Variants in SSH2 observed in about 807,000 individuals in gnomAD.
SSH2 encodes the protein protein phosphatase Slingshot homolog 2.
In SSH2, 37 loss-of-function variants were observed where a neutral mutation model predicts 135.2. That is an observed-to-expected ratio of 0.27 (90% CI 0.21 to 0.36). SSH2 has a LOEUF of 0.36. Among genes scored for constraint, SSH2 ranks in the 10% least tolerant of loss-of-function variants. The pLI is 1.00. For synonymous variants in SSH2, 628 were observed against 646.2 expected (o/e 0.97, Z 0.43); for missense variants, 1,408 against 1,765.3 (o/e 0.80, Z 3.63).
chr17:29,895,292 C>T (rs1255793606), intron 1 of SSH2, among the ~76,000 whole-genome samples: 5 of 105,926 alleles, frequency 4.7e-5, no homozygotes, highest in South Asian at 2.7e-4. Context: ...TTTATATATA[C>T]ATTTTATATA....
chr17:29,632,861 T>C lies in SSH2; in HGVS notation c.2333A>G (p.Glu778Gly). 1 of 1,614,194 alleles carries C rather than the reference T, an allele frequency of 6.2e-7. No individual in the cohort carries two copies. The highest frequency in any genetic ancestry group is 8.5e-7 in the Non-Finnish European group (1 of 1,180,020). ...SHSENAISVKEIVTEIESISQ... is the reference protein window; with the variant it reads ...SHSENAISVKGIVTEIESISQ... Reference sequence around the variant, plus strand: ...GATGGACTCAATTTCAGTGACAATTTCTTTGACTGAAATTGCATTTTCCGA... The same window carrying C: ...GATGGACTCAATTTCAGTGACAATTCCTTTGACTGAAATTGCATTTTCCGA... Residue 778 changes from glutamate to glycine, a missense_variant, in exon 16 of 16, where the codon GAA becomes GGA. Around this residue, in one of 3 missense-constraint regions of SSH2, gnomAD observed 1,080 missense variants for 1,144.5 expected, o/e 0.94. Transcript: ENST00000540801.
intron 14 of SSH2, 135 bp from the exon 15 acceptor site, chr17:29,636,937 C>T (rs998287825): frequency 3.2e-5 from 21 of 648,654 alleles, no homozygotes; most frequent in African/African-American, 7.3e-5. Context: ...AGGCAATAAA[C>T]GTTTGAAAAG....
chr17:29,721,730 C>T (rs1330088217), intron 3 of SSH2, among the ~76,000 whole-genome samples: 3 of 152,000 alleles, frequency 2.0e-5, no homozygotes, highest in Non-Finnish European at 4.4e-5. Context: ...TTCTTTTTGT[C>T]AAACAAGAAA....
At chr17:29,692,086 G>A (rs1426896181) in intron 5 of SSH2, among the ~76,000 whole-genome samples, 1 of 151,090 alleles carries the variant, frequency 6.6e-6, no homozygotes, top group African/African-American at 2.4e-5. Flanking sequence ...GTTGCAATGG[G>A]CCAAGATCGA....
At chr17:29,678,712 TC>T (rs1185886367) in intron 6 of SSH2, among the ~76,000 whole-genome samples, 4 of 70,438 alleles carry the variant, frequency 5.7e-5, no homozygotes, top group African/African-American at 2.3e-4. Context: ...AAATACTATT[TC>T]TTTTTTTTTT....
chr17:29,883,036 G>C (rs1190203293), intron 1 of SSH2: 2 of 151,996 alleles, frequency 1.3e-5, no homozygotes, highest in African/African-American at 4.8e-5. Flanking sequence ...CATGGTGACT[G>C]GGTTTTCATG....
At chr17:29,718,249 T>G (rs78531934) in intron 3 of SSH2, among the ~76,000 whole-genome samples, 2,042 of 152,290 alleles carry the variant, frequency 0.013, 55 homozygotes, top group African/African-American at 0.047. Context: ...GCTCCTATTC[T>G]TTTGTCAACT....
intron 4 of SSH2, among the ~76,000 whole-genome samples, chr17:29,697,865 T>A (rs1204617604): frequency 1.3e-5 from 2 of 152,152 alleles, no homozygotes; most frequent in Non-Finnish European, 2.9e-5. Context: ...AATCAAAACG[T>A]ATGTCCACCC....
At chr17:29,770,961 G>T (rs572424051) in intron 3 of SSH2, among the ~76,000 whole-genome samples, 2 of 152,130 alleles carry the variant, frequency 1.3e-5, no homozygotes, top group African/African-American at 4.8e-5. Flanking sequence ...TGTAGGTAAG[G>T]AGAGCTAGCT....
At chr17:29,663,974 C>T (rs759257544) in intron 11 of SSH2, among the ~76,000 whole-genome samples, 1 of 152,152 alleles carries the variant, frequency 6.6e-6, no homozygotes, top group East Asian at 1.9e-4. Flanking sequence ...AATCTCTATA[C>T]CTTTTGCTCA....
chr17:29,669,756 G>A (rs943928481), intron 9 of SSH2, among the ~76,000 whole-genome samples: 1 of 152,004 alleles, frequency 6.6e-6, no homozygotes, highest in Non-Finnish European at 1.5e-5. Flanking sequence ...CAGTTAATAA[G>A]CCTCTATCAT....
chr17:29,777,937 TTCTTGACTGTCAGC>T (rs1404117355), intron 3 of SSH2, among the ~76,000 whole-genome samples: 1 of 151,682 alleles, frequency 6.6e-6, no homozygotes, highest in Non-Finnish European at 1.5e-5. Context: ...TCCTCAAGAG[TTCTTGACTGTCAGC>T]TCTTTCCCCT....
intron 3 of SSH2, among the ~76,000 whole-genome samples, chr17:29,736,490 T>C (rs549603909): frequency 2.0e-5 from 3 of 152,138 alleles, no homozygotes; most frequent in Admixed American, 6.5e-5. Context: ...ACAGTTACTA[T>C]AAAGGCTAAT....
chr17:29,694,323 G>T (rs1483944565), intron 5 of SSH2, among the ~76,000 whole-genome samples: 2 of 152,110 alleles, frequency 1.3e-5, no homozygotes, highest in African/African-American at 4.8e-5. Context: ...AGTTTTATTG[G>T]AGGTATTACT....
At chr17:29,784,061 G>A (rs1403370237) in intron 3 of SSH2, among the ~76,000 whole-genome samples, 2 of 22,904 alleles carry the variant, frequency 8.7e-5, no homozygotes, top group East Asian at 9.1e-4. Flanking sequence ...GCGAGACTCC[G>A]TCTCAAAAAA....
intron 3 of SSH2, among the ~76,000 whole-genome samples, chr17:29,778,018 C>T (rs1319933345): frequency 1.3e-5 from 2 of 151,608 alleles, no homozygotes; most frequent in Admixed American, 6.6e-5. Context: ...TTCCCCATTC[C>T]TCTTTCCCCT....
intron 1 of SSH2, among the ~76,000 whole-genome samples, chr17:29,893,180 C>T (rs1198973785): frequency 2.0e-5 from 3 of 151,954 alleles, no homozygotes; most frequent in Non-Finnish European, 4.4e-5. Flanking sequence ...CAACAGTGCA[C>T]ACTTCCTTCC....
chr17:29,669,701 A>G (rs2037413105), intron 9 of SSH2, among the ~76,000 whole-genome samples: 1 of 152,114 alleles, frequency 6.6e-6, no homozygotes, highest in South Asian at 2.1e-4. Context: ...AGTTCTTAAG[A>G]TATATCTCAA....
intron 1 of SSH2, among the ~76,000 whole-genome samples, chr17:29,867,593 A>T (rs2065874733): frequency 6.6e-6 from 1 of 152,244 alleles, no homozygotes; most frequent in African/African-American, 2.4e-5. Context: ...TTTTAGAGAA[A>T]CTAAGCAACT....
Sources: allele counts gnomAD v4.1 joint callset (sites outside exome capture counted in the v4.1 genomes callset), GRCh38; gene constraint gnomAD v4.1.1; regional missense constraint gnomAD v4.1.1; transcripts MANE v1.5; gene names NCBI Gene and HGNC (gene_info 2026-07-23, HGNC 2026-07-21).